The following ADPGK variants were observed in gnomAD, a reference collection of about 807,000 sequenced individuals.
The protein encoded by ADPGK is ADP-dependent glucokinase.
Under a neutral mutation model 42.4 loss-of-function variants are expected in ADPGK, and 26 were observed. The observed-to-expected ratio is 0.61, with a 90% CI of 0.45 to 0.85. ADPGK has a LOEUF of 0.85. Ranked by LOEUF, ADPGK falls within the 40% of genes least tolerant of loss-of-function variation. The pLI, the probability that ADPGK is intolerant of heterozygous loss-of-function variation, is 0.00. For synonymous variants in ADPGK, 267 were observed against 252.6 expected, an observed-to-expected ratio of 1.06 and a Z score of -0.54; for missense variants, 571 against 627.0, an observed-to-expected ratio of 0.91 and a Z score of 0.95.
At chr15:72,783,292 G>T in intron 1 of ADPGK, 167 bp downstream of exon 1, 1 of 1,262,278 alleles carries the variant, frequency 7.9e-7, no homozygotes. Context: ...AAAGAGCAGC[G>T]GTGACGAACC....
At chr15:72,758,426 T>C in intron 4 of ADPGK, 1 of 448,336 alleles carries the variant, frequency 2.2e-6, no homozygotes, top group South Asian at 2.5e-5. Context: ...TAAGAGAGAA[T>C]GTGGAAAAAA....
intron 3 of ADPGK, among the ~76,000 whole-genome samples, chr15:72,763,300 C>T (rs1054613853): frequency 6.6e-6 from 1 of 151,212 alleles, no homozygotes; most frequent in African/African-American, 2.4e-5. Context: ...TATGGACACA[C>T]ACCACCACAC....
intron 3 of ADPGK, among the ~76,000 whole-genome samples, chr15:72,767,043 A>G (rs544509212): frequency 6.6e-6 from 1 of 152,334 alleles, no homozygotes; most frequent in African/African-American, 2.4e-5. Flanking sequence ...CTGTCTATAA[A>G]AAATACACTT....
At chr15:72,756,970 A>C (rs905495303) in intron 4 of ADPGK, 15 of 155,840 alleles carry the variant, frequency 9.6e-5, no homozygotes, top group Admixed American at 8.1e-4. Context: ...GTTTCTGGGC[A>C]CCTGATCCAA....
At chr15:72,762,576 A>G (rs542493432) in intron 3 of ADPGK, among the ~76,000 whole-genome samples, 2 of 152,360 alleles carry the variant, frequency 1.3e-5, no homozygotes, top group South Asian at 2.1e-4. Context: ...AACAAGGGCC[A>G]TAGGCCATAT....
At position 72,779,919 on chromosome 15, in the gene ADPGK, A is replaced by G. The variant is rs2066436279; in HGVS notation, c.233+3540T>C. Among the ~76,000 whole-genome samples, 3 of 152,312 alleles carry G rather than the reference A, an allele frequency of 2.0e-5. No individual in the cohort carries two copies. In the South Asian group the frequency reaches 6.2e-4, roughly 32 times the overall value. ...GTACATTTCTCCTCCTCTGAAATCC[A>G]ATTTATCTTCTGAAACTTGTTTTTC... On this transcript the variant is annotated intron_variant, in intron 1 of 6. Coordinates refer to ENST00000456471, the MANE Select transcript of ADPGK (RefSeq NM_001365225.1).
intron 1 of ADPGK, chr15:72,783,227 CTG>C (rs1461500438): frequency 8.1e-7 from 1 of 1,231,084 alleles, no homozygotes; most frequent in African/African-American, 1.6e-5. Context: ...TAGCAAGAAG[CTG>C]TTAGGGCTGG....
At chr15:72,774,668 CTG>C (rs1358411882) in intron 2 of ADPGK, among the ~76,000 whole-genome samples, 1 of 152,142 alleles carries the variant, frequency 6.6e-6, no homozygotes, top group Middle Eastern at 3.2e-3. Context: ...GCCCAGAAAT[CTG>C]TGTTTCAACA....
At chr15:72,773,961 C>A (rs12324758) in intron 2 of ADPGK, among the ~76,000 whole-genome samples, 1 of 152,144 alleles carries the variant, frequency 6.6e-6, no homozygotes, top group African/African-American at 2.4e-5. Context: ...CTTGACCTCC[C>A]GGGCTCAGGT....
chr15:72,763,064 A>G (rs1013202986), intron 3 of ADPGK, among the ~76,000 whole-genome samples: 1 of 152,228 alleles, frequency 6.6e-6, no homozygotes, highest in African/African-American at 2.4e-5. Context: ...ACGGAACCTG[A>G]AAGAATTTAT....
intron 3 of ADPGK, among the ~76,000 whole-genome samples, chr15:72,762,413 T>G (rs2066206941): frequency 6.6e-6 from 1 of 152,184 alleles, no homozygotes. Context: ...TTCGTGTTAT[T>G]TAAGAAATCC....
chr15:72,779,388 A>C (rs1438694306), intron 1 of ADPGK, among the ~76,000 whole-genome samples: 1 of 151,554 alleles, frequency 6.6e-6, no homozygotes, highest in East Asian at 1.9e-4. Context: ...AGCTGGGATT[A>C]CAGAAATGCA....
rs902377349 is a variant in ADPGK, at chr15:72,783,554, C to T, written c.138G>A (p.Ala46=). 9.3e-6 allele frequency: 14 copies of T among 1,497,634 alleles called. No individual in the cohort carries two copies. The African/African-American group carries it at 1.6e-4, about 17-fold the overall frequency. 92.8% of individuals were successfully genotyped at this position (1,497,634 alleles called of 1,614,324 possible). Residue 46 remains alanine, a synonymous_variant, in exon 1 of 7, where the codon GCG becomes GCA. Coordinates refer to ENST00000456471, the MANE Select transcript of ADPGK (RefSeq NM_001365225.1). ...CCTCGGGGGAGACGGGTCCCGGGGGCGCAGGCGCGGGCCCCAGACACAGCG... is the reference window on the plus strand; with the variant it reads ...CCTCGGGGGAGACGGGTCCCGGGGGTGCAGGCGCGGGCCCCAGACACAGCG... ...WSSLCLGPAP[A]PPGPVSPEGR... is the part of the protein sequence containing the mutation.
In ADPGK at chr15:72,783,750, G is replaced by T. The variant is rs1193140596; in HGVS notation, c.-59C>A. On this transcript the variant is annotated 5_prime_UTR_variant, in exon 1 of 7. Transcript: ENST00000456471. ...TCCTTTCCTAGCCCGCGCCTCTTCC[G>T]GGCTCGGCGCGCGCCGATGTCGACA... 13 of 1,392,008 alleles carry T rather than the reference G, an allele frequency of 9.3e-6. No individual in the cohort carries two copies. The African/African-American group carries it at 1.8e-4, about 20-fold the overall frequency. The allele number at this position is 1,392,008 out of a possible 1,614,324, so 86.2% of individuals were successfully genotyped here.
Position 72,752,223 on chromosome 15 carries a change from T to C in ADPGK, c.*118A>G. 1 of 1,007,642 alleles carries C rather than the reference T, an allele frequency of 9.9e-7. No homozygotes were observed. The highest frequency in any genetic ancestry group is 1.4e-6 in the Non-Finnish European group (1 of 706,288). 62.4% of individuals were successfully genotyped at this position (1,007,642 alleles called of 1,614,324 possible). On this transcript the variant is annotated 3_prime_UTR_variant, in exon 7 of 7. Transcript: ENST00000456471. ...ATGGAGTTGCCAACAGGCTGGAATG[T>C]ACCTGATACAGTTTAATCTGCTTTT...
intron 1 of ADPGK, among the ~76,000 whole-genome samples, chr15:72,778,167 T>G (rs1403530820): frequency 6.6e-6 from 1 of 152,156 alleles, no homozygotes; most frequent in South Asian, 2.1e-4. Context: ...GAGGATCACT[T>G]GAGCCTGGGA....
At chr15:72,769,843 C>T (rs922931130) in intron 3 of ADPGK, among the ~76,000 whole-genome samples, 26 of 152,166 alleles carry the variant, frequency 1.7e-4, no homozygotes, top group African/African-American at 6.3e-4. Flanking sequence ...CTTCTCCATG[C>T]CTCATTTTTC....
chr15:72,776,103 G>A (rs1273447378), intron 1 of ADPGK, among the ~76,000 whole-genome samples: 1 of 152,146 alleles, frequency 6.6e-6, no homozygotes, highest in Non-Finnish European at 1.5e-5. Flanking sequence ...CATCATGTCA[G>A]TGCCCCAGAG....
At chr15:72,766,061 T>G (rs2151081470) in intron 3 of ADPGK, among the ~76,000 whole-genome samples, 1 of 152,302 alleles carries the variant, frequency 6.6e-6, no homozygotes, top group East Asian at 1.9e-4. Context: ...TAGCTCACAG[T>G]ACAGTAGCCT....
Sources: gnomAD v4.1 joint callset for allele counts (sites outside exome capture counted in the v4.1 genomes callset) on GRCh38, gnomAD v4.1.1 for gene constraint, MANE v1.5 for transcripts, NCBI Gene and HGNC (gene_info 2026-07-23, HGNC 2026-07-21) for gene names.